The following DAZAP1 variants were observed in gnomAD, a reference collection of about 807,000 sequenced individuals.
DAZAP1 encodes the protein DAZ-associated protein 1.
A neutral mutation model predicts 60.1 loss-of-function variants in DAZAP1; 6 were observed. The ratio of observed to expected loss-of-function variants is 0.10; its 90% CI spans 0.05 to 0.20. DAZAP1 has a LOEUF of 0.20. Among genes scored for constraint, DAZAP1 ranks in the 10% least tolerant of loss-of-function variants. The probability of loss-of-function intolerance (pLI) is 1.00; values close to 1 mark genes in which losing one functional copy is unlikely to be tolerated. For missense variants in DAZAP1, 366 were observed against 560.4 expected, an observed-to-expected ratio of 0.65 and a Z score of 3.50; for synonymous variants, 235 against 215.9, an observed-to-expected ratio of 1.09 and a Z score of -0.78.
In DAZAP1 at chr19:1,418,864, A is replaced by G; in HGVS notation, c.303+133A>G. The G allele has an allele frequency of 1.2e-6, 1 of 858,674 alleles. No individual in the cohort carries two copies. Among genetic ancestry groups the G allele is most frequent in the Non-Finnish European group, 1.8e-6 (1 of 554,194 alleles). The allele number at this position is 858,674 out of a possible 1,614,324, so 53.2% of individuals were successfully genotyped here. On this transcript the variant is annotated intron_variant, in intron 4 of 11. Transcript: ENST00000233078. This position sits in a 1 kb window ranked among gnomAD's most constrained non-coding sequence, Gnocchi z 5.7. The stretch of plus-strand genomic sequence containing the variant: ...AGGTCTTCTGGGTTGGCACTCGAGC[A>G]GCTGAGGATCACCCAGATTTATCAG...
In DAZAP1 at chr19:1,422,999, G is replaced by A. The variant is rs1020075317; in HGVS notation, c.463+603G>A. Among the ~76,000 whole-genome samples, 4 of 152,054 alleles carry A rather than the reference G, an allele frequency of 2.6e-5. No individual in the cohort carries two copies. Among genetic ancestry groups the A allele is most frequent in the African/African-American group, 4.8e-5 (2 of 41,402 alleles). ...GGTTTGTGGAGCTGGGACGATGGGC[G>A]CCCAGTTTCTGTGCCCCTTTTCCGT... On this transcript the variant is annotated intron_variant, in intron 6 of 11. Transcript: ENST00000233078. This position sits in a 1 kb window ranked among gnomAD's most constrained non-coding sequence, Gnocchi z 4.5.
At chr19:1,413,927 C>G (rs549498838) in intron 1 of DAZAP1, among the ~76,000 whole-genome samples, 1 of 152,198 alleles carries the variant, frequency 6.6e-6, no homozygotes, top group Non-Finnish European at 1.5e-5. Flanking sequence ...CCCTGCCAGA[C>G]TCACCATTGG....
In DAZAP1 at chr19:1,422,770, G is replaced by T. The variant is rs899899654; in HGVS notation, c.463+374G>T. On this transcript the variant is annotated intron_variant, in intron 6 of 11. Transcript: ENST00000233078. This position sits in a 1 kb window ranked among gnomAD's most constrained non-coding sequence, Gnocchi z 4.5. ...TCATTTCGTGTCGTCAGCTGGGTCA[G>T]CTGGCTCGGTGTGGAGTTTGGATTT... is the stretch of plus-strand genomic sequence containing the variant. 6.6e-6 allele frequency among the ~76,000 whole-genome samples: 1 copy of T among 152,082 alleles called. No individual in the cohort carries two copies. Among genetic ancestry groups the T allele is most frequent in the Non-Finnish European group, 1.5e-5 (1 of 68,006 alleles).
intron 10 of DAZAP1, among the ~76,000 whole-genome samples, chr19:1,431,466 G>T (rs1376130631): frequency 6.6e-6 from 1 of 151,844 alleles, no homozygotes; most frequent in Non-Finnish European, 1.5e-5. Flanking sequence ...TTTCACTTTT[G>T]TTGCCCAGGA....
At chr19:1,427,137 G>T (rs1269064268) in intron 7 of DAZAP1, 1 of 152,228 alleles carries the variant, frequency 6.6e-6, no homozygotes, top group East Asian at 1.9e-4. Flanking sequence ...GCAGCTTGTG[G>T]TTTAAAATGA....
chr19:1,407,619 A>AGCTGCC lies in DAZAP1; in HGVS notation c.-153_-152insTGCCGC, dbSNP rs1555778572. ...ACCGTTGGCGCCGAGGGGAGGAGGCAGCCGCCGCCGCCGCCGCCGCCGCCG... is the reference window on the plus strand; with the variant it reads ...ACCGTTGGCGCCGAGGGGAGGAGGCAGCTGCCGCCGCCGCCGCCGCCGCCGCCGCCG... On this transcript the variant is annotated 5_prime_UTR_variant, in exon 1 of 12. Transcript: ENST00000233078. 1 of 235,986 alleles carries AGCTGCC rather than the reference A, an allele frequency of 4.2e-6. No homozygotes were observed. Among genetic ancestry groups the AGCTGCC allele is most frequent in the African/African-American group, 2.6e-5 (1 of 38,916 alleles). 14.6% of individuals were successfully genotyped at this position (235,986 alleles called of 1,614,324 possible). A position where few individuals can be genotyped will look rare whatever the true frequency, so the allele number is the denominator to read the frequency against.
chr19:1,425,375 C>T lies in DAZAP1; in HGVS notation c.464-503C>T, dbSNP rs2083280812. 6.6e-6 allele frequency among the ~76,000 whole-genome samples: 1 copy of T among 152,350 alleles called. No homozygotes were observed. The highest frequency in any genetic ancestry group is 3.4e-3 in the Middle Eastern group (1 of 294). ...GGGTTTCAGAGAAGCATACACACAT[C>T]CACGGTGCACACCCCTGACTAAGAT... On this transcript the variant is annotated intron_variant, in intron 6 of 11. Transcript: ENST00000233078. The surrounding 1 kb of genome is among the most constrained non-coding windows in gnomAD (Gnocchi z 5.4).
Position 1,433,571 on chromosome 19 carries a change from G to A in DAZAP1, c.1048+881G>A, listed in dbSNP as rs577185048. 12 of 600,236 alleles carry A rather than the reference G, an allele frequency of 2.0e-5. No individual in the cohort carries two copies. Among genetic ancestry groups the A allele is most frequent in the Non-Finnish European group, 3.6e-5 (12 of 337,632 alleles). 37.2% of individuals were successfully genotyped at this position (600,236 alleles called of 1,614,324 possible). The stretch of plus-strand genomic sequence containing the variant: ...CCCCTGCCCCCACGCCCAGGCCTTG[G>A]GCCGAGGTTGCCGCATGTGTGGGTT... On this transcript the variant is annotated intron_variant, in intron 11 of 11. Transcript: ENST00000233078. This position sits in a 1 kb window ranked among gnomAD's most constrained non-coding sequence, Gnocchi z 6.1.
In DAZAP1 at chr19:1,432,369, TGGATGTCC is replaced by T; in HGVS notation, c.872-144_872-137del. 1 of 818,786 alleles carries T rather than the reference TGGATGTCC, an allele frequency of 1.2e-6. No individual in the cohort carries two copies. The highest frequency in any genetic ancestry group is 2.0e-6 in the Non-Finnish European group (1 of 489,150). 50.7% of individuals were successfully genotyped at this position (818,786 alleles called of 1,614,324 possible). A position where few individuals can be genotyped will look rare whatever the true frequency, so the allele number is the denominator to read the frequency against. On this transcript the variant is annotated intron_variant, in intron 10 of 11. Coordinates refer to ENST00000233078, the MANE Select transcript of DAZAP1 (RefSeq NM_018959.4). This position sits in a 1 kb window ranked among gnomAD's most constrained non-coding sequence, Gnocchi z 4.9. Reference sequence around the variant, plus strand: ...GACCGTGGCTCTGTGGTCCATTCTGTGGATGTCCACAAGGCCTGGGCGTTCTGTGGGTT... The same window carrying T: ...GACCGTGGCTCTGTGGTCCATTCTGTACAAGGCCTGGGCGTTCTGTGGGTT...
intron 7 of DAZAP1, chr19:1,427,022 G>A (rs1042004223): frequency 6.6e-6 from 1 of 152,244 alleles, no homozygotes; most frequent in African/African-American, 2.4e-5. Flanking sequence ...AGTAGCATGT[G>A]TAGTTATTTT....
Position 1,432,658 on chromosome 19 carries a change from C to T in DAZAP1, c.1016C>T (p.Thr339Ile), listed in dbSNP as rs2083483464. 1 of 1,611,264 alleles carries T rather than the reference C, an allele frequency of 6.2e-7. No individual in the cohort carries two copies. Among genetic ancestry groups the T allele is most frequent in the Non-Finnish European group, 8.5e-7 (1 of 1,178,772 alleles). The change falls in exon 11 of 12, where the codon ACA becomes ATA. Residue 339 changes from threonine to isoleucine, a missense_variant. Physicochemically the swap from Thr to Ile is moderately conservative, Grantham distance 89. Coordinates refer to ENST00000233078, the MANE Select transcript of DAZAP1 (RefSeq NM_018959.4). The surrounding 1 kb of genome is among the most constrained non-coding windows in gnomAD (Gnocchi z 4.9). The part of the protein sequence containing the change: ...QAAPDMSKPP[T>I]AQPDFPYGQY... Reference sequence around the variant, plus strand: ...GCCCCGGACATGAGCAAGCCCCCGACAGCTCAGCCAGACTTCCCCTATGGT... The same window carrying T: ...GCCCCGGACATGAGCAAGCCCCCGATAGCTCAGCCAGACTTCCCCTATGGT...
chr19:1,426,049 G>A lies in DAZAP1; in HGVS notation c.546+89G>A. On this transcript the variant is annotated intron_variant, in intron 7 of 11. Coordinates refer to ENST00000233078, the MANE Select transcript of DAZAP1 (RefSeq NM_018959.4). This position sits in a 1 kb window ranked among gnomAD's most constrained non-coding sequence, Gnocchi z 5.4. ...CACTGGAAAGGAACATTCCTTCACG[G>A]AAAGGGTCGGGCGAGTTCGTCCTGT... 1 of 1,002,042 alleles carries A rather than the reference G, an allele frequency of 1.0e-6. No homozygotes were observed. The highest frequency in any genetic ancestry group is 1.6e-6 in the Non-Finnish European group (1 of 624,088). The allele number at this position is 1,002,042 out of a possible 1,614,324, so 62.1% of individuals were successfully genotyped here.
chr19:1,434,136 T>C lies in DAZAP1; in HGVS notation c.1049-601T>C, dbSNP rs7251937. ...GTCCTTGTAAAGACACCGCTGTCCATGCTCCTGAGGTCGGCTGTGTGGGCC... is the reference window on the plus strand; with the variant it reads ...GTCCTTGTAAAGACACCGCTGTCCACGCTCCTGAGGTCGGCTGTGTGGGCC... On this transcript the variant is annotated intron_variant, in intron 11 of 11. Transcript: ENST00000233078. The surrounding 1 kb of genome is among the most constrained non-coding windows in gnomAD (Gnocchi z 8.0). The C allele has an allele frequency of 0.17, 63,041 of 361,676 alleles. 9,918 individuals are homozygous for C. The highest frequency in any genetic ancestry group is 0.51 in the African/African-American group (24,166 of 47,144). The allele number at this position is 361,676 out of a possible 1,614,324, so 22.4% of individuals were successfully genotyped here. A position where few individuals can be genotyped will look rare whatever the true frequency, so the allele number is the denominator to read the frequency against.
intron 1 of DAZAP1, among the ~76,000 whole-genome samples, chr19:1,411,023 A>AGTGGGGCTCCTG (rs1395953825): frequency 2.0e-5 from 3 of 152,156 alleles, no homozygotes; most frequent in Non-Finnish European, 4.4e-5. Flanking sequence ...AGACATCCTG[A>AGTGGGGCTCCTG]GTGGGGCTCC....
In DAZAP1 at chr19:1,425,697, C is replaced by T. The variant is rs373314622; in HGVS notation, c.464-181C>T. Among the ~76,000 whole-genome samples, 6 of 152,288 alleles carry T rather than the reference C, an allele frequency of 3.9e-5. 1 individual carries two copies. The highest frequency in any genetic ancestry group is 3.4e-3 in the Middle Eastern group (1 of 294). On this transcript the variant is annotated intron_variant, in intron 6 of 11. Transcript: ENST00000233078. This position sits in a 1 kb window ranked among gnomAD's most constrained non-coding sequence, Gnocchi z 5.4. ...TGCGGACGTCACCGTCTGTCCACTC[C>T]GTGTGCAGTCGAGTGGTGGCTCCTG...
chr19:1,429,288 C>T (rs1025533899), intron 8 of DAZAP1, among the ~76,000 whole-genome samples: 2 of 152,222 alleles, frequency 1.3e-5, no homozygotes, highest in Admixed American at 6.5e-5. Context: ...CCGTGTGCCA[C>T]GGCAGGTCTG....
In DAZAP1 at chr19:1,434,731, C is replaced by T. The variant is rs1421963379; in HGVS notation, c.1049-6C>T. On this transcript the variant is annotated splice_region_variant and splice_polypyrimidine_tract_variant and intron_variant, in intron 11 of 11. Coordinates refer to ENST00000233078, the MANE Select transcript of DAZAP1 (RefSeq NM_018959.4). The surrounding 1 kb of genome is among the most constrained non-coding windows in gnomAD (Gnocchi z 8.0). ...CGCCCCGAGCTCACAGGACTTTCTCCCCCAGCAGGTTACGGGCAGGACTTG... is the reference window on the plus strand; with the variant it reads ...CGCCCCGAGCTCACAGGACTTTCTCTCCCAGCAGGTTACGGGCAGGACTTG... The T allele has an allele frequency of 1.9e-6, 3 of 1,611,040 alleles. No individual in the cohort carries two copies. The highest frequency in any genetic ancestry group is 2.7e-5 in the African/African-American group (2 of 74,620).
chr19:1,431,354 C>G (rs1353957492), intron 10 of DAZAP1, among the ~76,000 whole-genome samples: 1 of 151,542 alleles, frequency 6.6e-6, no homozygotes, highest in African/African-American at 2.4e-5. Flanking sequence ...TGGTCTCGAT[C>G]TCCTGACCTC....
chr19:1,420,085 A>G lies in DAZAP1; in HGVS notation c.304-1063A>G, dbSNP rs265265. 2.8e-3 allele frequency among the ~76,000 whole-genome samples: 181 copies of G among 64,048 alleles called. 2 individuals are homozygous for G. Among genetic ancestry groups the G allele is most frequent in the East Asian group, 0.014 (16 of 1,116 alleles). The allele number at this position is 64,048 out of a possible 152,430, so 42.0% of individuals were successfully genotyped here. On this transcript the variant is annotated intron_variant, in intron 4 of 11. Transcript: ENST00000233078. Reference sequence around the variant, plus strand: ...ATGAAACCATCCCTACAGTCACGGCAGCGAGCACTCACCCCACGCGCACAC... The same window carrying G: ...ATGAAACCATCCCTACAGTCACGGCGGCGAGCACTCACCCCACGCGCACAC...
Sources: allele counts gnomAD v4.1 joint callset (sites outside exome capture counted in the v4.1 genomes callset), GRCh38; gene constraint gnomAD v4.1.1; non-coding constraint Gnocchi (gnomAD v3.1); transcripts MANE v1.5; gene names NCBI Gene and HGNC (gene_info 2026-07-23, HGNC 2026-07-21).